EN2: variants seen among roughly 807,000 people sequenced by gnomAD.
EN2 encodes engrailed homeobox 2.
Under a neutral mutation model 25.0 loss-of-function variants are expected in EN2, and 7 were observed. The observed-to-expected ratio is 0.28, with a 90% confidence interval of 0.16 to 0.53. EN2 has a LOEUF of 0.53. Ranked by LOEUF, EN2 falls within the 20% of genes least tolerant of loss-of-function variation. The pLI, the probability that EN2 is intolerant of heterozygous loss-of-function variation, is 0.96. For missense variants in EN2, 524 were observed against 501.8 expected (o/e 1.04, Z -0.42); for synonymous variants, 277 against 243.3 (o/e 1.14, Z -1.29).
Position 155,458,811 on chromosome 7 carries a change from C to CCG in EN2, c.436_437dup (p.Gly147ProfsTer48). 1.4e-6 allele frequency: 2 copies of CCG among 1,409,672 alleles called. No homozygotes were observed. Among genetic ancestry groups the CCG allele is most frequent in the Non-Finnish European group, 1.8e-6 (2 of 1,094,544 alleles). 87.3% of individuals were successfully genotyped at this position (1,409,672 alleles called of 1,614,324 possible). ...CCCGGCGCGGGCGGGCCGCTCCCAGCCGCCGGCAGCGACTCTCCGGGTGAC... is the reference window on the plus strand; with the variant it reads ...CCCGGCGCGGGCGGGCCGCTCCCAGCCGCGCCGGCAGCGACTCTCCGGGTGAC... On this transcript the variant is annotated frameshift_variant, in exon 1 of 2. Coordinates refer to ENST00000297375, the MANE Select transcript of EN2 (RefSeq NM_001427.4). LOFTEE classifies it high-confidence loss of function.
Position 155,462,698 on chromosome 7 carries a change from A to G in EN2, c.*11A>G. On this transcript the variant is annotated 3_prime_UTR_variant, in exon 2 of 2. Coordinates refer to ENST00000297375, the MANE Select transcript of EN2 (RefSeq NM_001427.4). The stretch of plus-strand genomic sequence containing the variant: ...TCGGACAGCGAGTAGGGCGGGGGGC[A>G]TGGAGGCCAGGTCTCAGTCCGCGCT... 6.4e-7 allele frequency: 1 copy of G among 1,560,356 alleles called. No homozygotes were observed. The highest frequency in any genetic ancestry group is 8.7e-7 in the Non-Finnish European group (1 of 1,150,578).
chr7:155,459,018 C>CG lies in EN2; in HGVS notation c.643dup (p.Ala215GlyfsTer133). On this transcript the variant is annotated frameshift_variant, in exon 1 of 2. Coordinates refer to ENST00000297375, the MANE Select transcript of EN2 (RefSeq NM_001427.4). LOFTEE classifies it high-confidence loss of function. ...CTGGGCGCGCAGCCCATGCTCTGGC[C>CG]GGCGTGGGTCTACTGTACGCGCTAC... The CG allele has an allele frequency of 6.3e-7, 1 of 1,576,466 alleles. No individual in the cohort carries two copies. Among genetic ancestry groups the CG allele is most frequent in the Non-Finnish European group, 8.5e-7 (1 of 1,170,408 alleles).
At chr7:155,461,505 A>G (rs1380740070) in intron 1 of EN2, among the ~76,000 whole-genome samples, 1 of 152,206 alleles carries the variant, frequency 6.6e-6, no homozygotes, top group African/African-American at 2.4e-5. Context: ...CATAAGTCTG[A>G]ATCCCAGTTG....
intron 1 of EN2, among the ~76,000 whole-genome samples, chr7:155,461,174 T>TG (rs1411597753): frequency 7.2e-5 from 11 of 151,734 alleles, no homozygotes; most frequent in Non-Finnish European, 1.2e-4. Flanking sequence ...CCCTGAAGGG[T>TG]GGGGGGCCCC....
Position 155,458,289 on chromosome 7 carries a change from C to T in EN2, c.-89C>T. 8.0e-7 allele frequency: 1 copy of T among 1,243,594 alleles called. No individual in the cohort carries two copies. Among genetic ancestry groups the T allele is most frequent in the East Asian group, 3.2e-5 (1 of 31,330 alleles). The allele number at this position is 1,243,594 out of a possible 1,614,324, so 77.0% of individuals were successfully genotyped here. ...CGGAAGACTCGGCGGGGTGGGGGCGCGGGGGTCTCCGTGTGCGCCGCGGGA... is the reference window on the plus strand; with the variant it reads ...CGGAAGACTCGGCGGGGTGGGGGCGTGGGGGTCTCCGTGTGCGCCGCGGGA... On this transcript the variant is annotated 5_prime_UTR_variant, in exon 1 of 2. Coordinates refer to ENST00000297375, the MANE Select transcript of EN2 (RefSeq NM_001427.4).
rs1034315317 is a variant in EN2 at position 155,462,703 on chromosome 7, G to A, written c.*16G>A. On this transcript the variant is annotated 3_prime_UTR_variant, in exon 2 of 2. Transcript: ENST00000297375. The stretch of plus-strand genomic sequence containing the variant: ...CAGCGAGTAGGGCGGGGGGCATGGA[G>A]GCCAGGTCTCAGTCCGCGCTAAACA... The A allele has an allele frequency of 5.1e-6, 8 of 1,556,234 alleles. No individual in the cohort carries two copies. The highest frequency in any genetic ancestry group is 7.0e-6 in the Non-Finnish European group (8 of 1,148,236).
At chr7:155,461,614 G>A (rs1795697842) in intron 1 of EN2, among the ~76,000 whole-genome samples, 1 of 152,190 alleles carries the variant, frequency 6.6e-6, no homozygotes, top group Non-Finnish European at 1.5e-5. Flanking sequence ...GGAAAGGGTG[G>A]TGCAGTCAAC....
Position 155,458,360 on chromosome 7 carries a change from G to T in EN2, c.-18G>T. The T allele has an allele frequency of 7.7e-7, 1 of 1,291,092 alleles. No individual in the cohort carries two copies. Among genetic ancestry groups the T allele is most frequent in the East Asian group, 2.9e-5 (1 of 34,062 alleles). The allele number at this position is 1,291,092 out of a possible 1,614,324, so 80.0% of individuals were successfully genotyped here. On this transcript the variant is annotated 5_prime_UTR_variant, in exon 1 of 2. Transcript: ENST00000297375. The stretch of plus-strand genomic sequence containing the variant: ...AGGGCGTCCCCGGAGAACCAGTGTG[G>T]GATTTACTGTGAACAGCATGGAGGA...
chr7:155,461,302 C>T (rs1228580367), intron 1 of EN2, among the ~76,000 whole-genome samples: 1 of 152,230 alleles, frequency 6.6e-6, no homozygotes, highest in East Asian at 1.9e-4. Flanking sequence ...CTGCCAGTGG[C>T]CTTGCCCCCT....
intron 1 of EN2, 106 bp downstream of exon 1, chr7:155,459,168 C>T (rs1795666771): frequency 8.3e-7 from 1 of 1,202,236 alleles, no homozygotes; most frequent in South Asian, 1.6e-5. Flanking sequence ...TCTCGAACCT[C>T]CCCCGCGCAC....
At position 155,458,766 on chromosome 7, in the gene EN2, G is replaced by A. The variant is rs1235781077; in HGVS notation, c.389G>A (p.Arg130Gln). 5.3e-5 allele frequency: 72 copies of A among 1,371,178 alleles called. No individual in the cohort carries two copies. The highest frequency in any genetic ancestry group is 6.4e-5 in the Non-Finnish European group (69 of 1,070,636). 84.9% of individuals were successfully genotyped at this position (1,371,178 alleles called of 1,614,324 possible). A position where few individuals can be genotyped will look rare whatever the true frequency, so the allele number is the denominator to read the frequency against. ...TTGGGCTCGGGCTCCCGAGAGCCCCGGCAGAACCCGCCATGTGCGCCCGGC... is the reference window on the plus strand; with the variant it reads ...TTGGGCTCGGGCTCCCGAGAGCCCCAGCAGAACCCGCCATGTGCGCCCGGC... The part of the protein sequence containing the change: ...QLLGSGSREP[R>Q]QNPPCAPGAG... The change falls in exon 1 of 2, where the codon CGG becomes CAG. Residue 130 changes from arginine to glutamine, a missense_variant. By Grantham distance (43) the Arg-to-Gln change is conservative (BLOSUM62 1). Transcript: ENST00000297375.
Position 155,458,569 on chromosome 7 carries a change from C to T in EN2, c.192C>T (p.His64=). The stretch of plus-strand genomic sequence containing the variant: ...CGCCCGGCAACCACCAGCACCCGCA[C>T]CGCATCACCAACTTCTTCATCGACA... ...LQAPGNHQHP[H]RITNFFIDNI... Residue 64 remains histidine, a synonymous_variant, in exon 1 of 2, where the codon CAC becomes CAT. Coordinates refer to ENST00000297375, the MANE Select transcript of EN2 (RefSeq NM_001427.4). 6.8e-7 allele frequency: 1 copy of T among 1,471,650 alleles called. No homozygotes were observed. The highest frequency in any genetic ancestry group is 9.0e-7 in the Non-Finnish European group (1 of 1,108,610). 91.2% of individuals were successfully genotyped at this position (1,471,650 alleles called of 1,614,324 possible). A position where few individuals can be genotyped will look rare whatever the true frequency, so the allele number is the denominator to read the frequency against.
At chr7:155,460,437 G>T (rs183440115) in intron 1 of EN2, among the ~76,000 whole-genome samples, 3 of 152,350 alleles carry the variant, frequency 2.0e-5, no homozygotes, top group African/African-American at 7.2e-5. Context: ...AGGGGAGAGA[G>T]AGTTTTCTTG....
At chr7:155,462,300 C>T in intron 1 of EN2, 71 bp from the exon 2 acceptor site, 4 of 1,515,044 alleles carry the variant, frequency 2.6e-6, no homozygotes, top group Admixed American at 4.3e-5. Flanking sequence ...CCCCAGAATC[C>T]TTACCCGGTG....
chr7:155,458,952 C>T lies in EN2; in HGVS notation c.575C>T (p.Ser192Leu), dbSNP rs1293987367. ...KARGLGGGDL[S>L]VSSDSDSSQA... ...CGCGGCTTGGGCGGCGGCGACCTGT[C>T]GGTGAGCTCGGACTCGGACAGCTCG... Residue 192 changes from serine to leucine, a missense_variant, in exon 1 of 2, where the codon TCG becomes TTG. Coordinates refer to ENST00000297375, the MANE Select transcript of EN2 (RefSeq NM_001427.4). The T allele has an allele frequency of 1.3e-6, 2 of 1,525,782 alleles. No homozygotes were observed. Among genetic ancestry groups the T allele is most frequent in the Middle Eastern group, 1.7e-4 (1 of 5,812 alleles). The allele number at this position is 1,525,782 out of a possible 1,614,324, so 94.5% of individuals were successfully genotyped here. A position where few individuals can be genotyped will look rare whatever the true frequency, so the allele number is the denominator to read the frequency against.
intron 1 of EN2, among the ~76,000 whole-genome samples, chr7:155,459,840 A>G (rs1228776548): frequency 1.3e-5 from 2 of 152,248 alleles, no homozygotes. Flanking sequence ...GGGGCTGCTG[A>G]TGGGAAAGAG....
At chr7:155,460,220 G>A (rs1795679047) in intron 1 of EN2, among the ~76,000 whole-genome samples, 1 of 152,150 alleles carries the variant, frequency 6.6e-6, no homozygotes, top group Non-Finnish European at 1.5e-5. Context: ...TAACATACAG[G>A]CTCACAATGC....
intron 1 of EN2, among the ~76,000 whole-genome samples, chr7:155,461,856 A>C (rs985447111): frequency 6.6e-6 from 1 of 152,050 alleles, no homozygotes; most frequent in East Asian, 1.9e-4. Context: ...CTCAGGGCCC[A>C]CCTGCCCCTG....
chr7:155,459,073 G>T lies in EN2; in HGVS notation c.685+11G>T. 1 of 1,567,116 alleles carries T rather than the reference G, an allele frequency of 6.4e-7. No individual in the cohort carries two copies. The highest frequency in any genetic ancestry group is 1.8e-5 in the Admixed American group (1 of 56,774). On this transcript the variant is annotated intron_variant, in intron 1 of 1. Coordinates refer to ENST00000297375, the MANE Select transcript of EN2 (RefSeq NM_001427.4). Reference sequence around the variant, plus strand: ...ACCGGCCTTCTTCAGGTGAGCCCGCGGGGACCACGCGTCCCGGCTCGCCGC... The same window carrying T: ...ACCGGCCTTCTTCAGGTGAGCCCGCTGGGACCACGCGTCCCGGCTCGCCGC...
Sources: gnomAD v4.1 joint callset for allele counts (sites outside exome capture counted in the v4.1 genomes callset) on GRCh38, gnomAD v4.1.1 for gene constraint, MANE v1.5 for transcripts, NCBI Gene and HGNC (gene_info 2026-07-23, HGNC 2026-07-21) for gene names.